The following ASPSCR1 variants were observed in gnomAD, a reference collection of about 807,000 sequenced individuals.
ASPSCR1 encodes the protein tether containing UBX domain for GLUT4.
A neutral mutation model predicts 68.9 loss-of-function variants in ASPSCR1; 55 were observed. The ratio of observed to expected loss-of-function variants is 0.80; its 90% CI spans 0.64 to 1.00. The LOEUF (loss-of-function observed/expected upper bound fraction) is 1.00, where lower values mean the gene tolerates loss of function less well. Among genes scored for constraint, ASPSCR1 ranks in the 50% least tolerant of loss-of-function variants. The pLI is 0.00. For missense variants in ASPSCR1, 765 were observed against 762.2 expected, an observed-to-expected ratio of 1.00 and a Z score of -0.04; for synonymous variants, 352 against 332.6, an observed-to-expected ratio of 1.06 and a Z score of -0.63.
intron 7 of ASPSCR1, among the ~76,000 whole-genome samples, chr17:81,997,384 A>G (rs560899090): frequency 1.3e-5 from 2 of 152,068 alleles, no homozygotes; most frequent in East Asian, 3.9e-4. Flanking sequence ...TGAACGCATC[A>G]GCCAGTCTTC....
intron 12 of ASPSCR1, chr17:82,015,550 C>T (rs2043094586): frequency 1.3e-6 from 1 of 741,460 alleles, no homozygotes; most frequent in African/African-American, 1.8e-5. Context: ...AGGTGCCTCT[C>T]TGCATCGGTG....
intron 11 of ASPSCR1, 181 bp from the exon 12 acceptor site, chr17:82,012,050 G>A (rs756426253): frequency 9.0e-6 from 7 of 778,300 alleles, no homozygotes; most frequent in African/African-American, 3.4e-5. Flanking sequence ...GCCCCCCACC[G>A]GCCCTTCCGA....
rs71166183 is a variant in ASPSCR1, at chr17:82,002,003, CTTTTTTTTTTTTTT to C, written c.933+5166_933+5179del. Among the ~76,000 whole-genome samples, 8 of 93,816 alleles carry C rather than the reference CTTTTTTTTTTTTTT, an allele frequency of 8.5e-5. No individual in the cohort carries two copies. In the East Asian group the frequency reaches 2.0e-3, roughly 23 times the overall value. The allele number at this position is 93,816 out of a possible 152,430, so 61.5% of individuals were successfully genotyped here. On this transcript the variant is annotated intron_variant, in intron 7 of 15. Coordinates refer to ENST00000306739, the MANE Select transcript of ASPSCR1 (RefSeq NM_024083.4). Reference sequence around the variant, plus strand: ...TTCTTTTCTTTTTTTTTTCTTTTTCCTTTTTTTTTTTTTTTTTTTTTTGAGACACAGTCTCGCTC... The same window carrying C: ...TTCTTTTCTTTTTTTTTTCTTTTTCCTTTTTTTTGAGACACAGTCTCGCTC...
At chr17:81,997,332 G>T (rs1264333980) in intron 7 of ASPSCR1, among the ~76,000 whole-genome samples, 2 of 152,136 alleles carry the variant, frequency 1.3e-5, no homozygotes, top group African/African-American at 4.8e-5. Flanking sequence ...TCTAGAAAAG[G>T]GGTGGTAACT....
intron 5 of ASPSCR1, 37 bp downstream of exon 5, chr17:81,994,915 A>T (rs967155436): frequency 2.5e-6 from 4 of 1,575,776 alleles, no homozygotes; most frequent in Non-Finnish European, 3.5e-6. Context: ...GTCCCCGCTC[A>T]CTTTCAGCCC....
chr17:82,011,238 C>T (rs936759005), intron 10 of ASPSCR1, among the ~76,000 whole-genome samples: 3 of 143,972 alleles, frequency 2.1e-5, no homozygotes, highest in East Asian at 2.2e-4. Context: ...GACGGCCGGG[C>T]GGCAGCAGCC....
In ASPSCR1 at chr17:82,016,533, T is replaced by C. The variant is rs1285222720; in HGVS notation, c.1405+6T>C. The stretch of plus-strand genomic sequence containing the variant: ...GGGAGCCGAGGAGCCGGCAGGTGAG[T>C]GTCAGTGGTTGGGGCCAGTGTCGGA... On this transcript the variant is annotated splice_donor_region_variant and intron_variant, in intron 13 of 15. Transcript: ENST00000306739. 6.5e-7 allele frequency: 1 copy of C among 1,548,750 alleles called. No homozygotes were observed. Among genetic ancestry groups the C allele is most frequent in the Non-Finnish European group, 8.7e-7 (1 of 1,146,892 alleles).
chr17:81,984,873 C>T (rs143435714), intron 3 of ASPSCR1, among the ~76,000 whole-genome samples: 2,074 of 116,618 alleles, frequency 0.018, 12 homozygotes, highest in East Asian at 0.031. Context: ...TGCACACCCC[C>T]GCACACACAC....
intron 4 of ASPSCR1, among the ~76,000 whole-genome samples, chr17:81,993,252 C>T (rs371491882): frequency 7.7e-4 from 117 of 152,120 alleles, no homozygotes; most frequent in African/African-American, 2.7e-3. Context: ...CTCGCTCTGT[C>T]GCCCAGGCTG....
At chr17:81,997,055 G>A (rs746218180) in intron 7 of ASPSCR1, among the ~76,000 whole-genome samples, 1 of 110,388 alleles carries the variant, frequency 9.1e-6, no homozygotes, top group African/African-American at 4.7e-5. Flanking sequence ...GGTAGAGAAA[G>A]TAGCTTTACT....
At chr17:81,984,820 C>T (rs1347553156) in intron 3 of ASPSCR1, among the ~76,000 whole-genome samples, 58 of 145,094 alleles carry the variant, frequency 4.0e-4, no homozygotes, top group African/African-American at 1.3e-3. Flanking sequence ...CCCGCACACC[C>T]GTACACACCC....
chr17:81,999,760 T>C lies in ASPSCR1; in HGVS notation c.933+2914T>C, dbSNP rs2042467789. 6.6e-6 allele frequency among the ~76,000 whole-genome samples: 1 copy of C among 152,080 alleles called. No individual in the cohort carries two copies. Among genetic ancestry groups the C allele is most frequent in the African/African-American group, 2.4e-5 (1 of 41,404 alleles). On this transcript the variant is annotated intron_variant, in intron 7 of 15. Coordinates refer to ENST00000306739, the MANE Select transcript of ASPSCR1 (RefSeq NM_024083.4). This position sits in a 1 kb window ranked among gnomAD's most constrained non-coding sequence, Gnocchi z 4.4. ...GTGAGGTCAGGAGTTTGCTTCCTCCTCCTCTGGCCACTTCTGAGTGAAGCA... is the reference window on the plus strand; with the variant it reads ...GTGAGGTCAGGAGTTTGCTTCCTCCCCCTCTGGCCACTTCTGAGTGAAGCA...
intron 2 of ASPSCR1, among the ~76,000 whole-genome samples, chr17:81,980,830 TG>T (rs1355472083): frequency 6.6e-6 from 1 of 152,150 alleles, no homozygotes; most frequent in Non-Finnish European, 1.5e-5. Context: ...AAAATGGCAG[TG>T]CCAGCATGAC....
intron 7 of ASPSCR1, among the ~76,000 whole-genome samples, chr17:81,998,173 G>C (rs1224571678): frequency 6.6e-6 from 1 of 152,120 alleles, no homozygotes; most frequent in Non-Finnish European, 1.5e-5. Context: ...GTCTCTCTCT[G>C]TTGCCCAGGC....
chr17:81,987,413 A>T lies in ASPSCR1; in HGVS notation c.374+1806A>T, dbSNP rs1391154049. The stretch of plus-strand genomic sequence containing the variant: ...GCGCGGGGAACAGAAGTCAGGAAAG[A>T]TGAACGTCTGGAAGGAAATGCCCCT... On this transcript the variant is annotated intron_variant, in intron 4 of 15. Transcript: ENST00000306739. This position sits in a 1 kb window ranked among gnomAD's most constrained non-coding sequence, Gnocchi z 5.6. 1.3e-5 allele frequency among the ~76,000 whole-genome samples: 2 copies of T among 152,200 alleles called. No homozygotes were observed. Among genetic ancestry groups the T allele is most frequent in the East Asian group, 3.9e-4 (2 of 5,188 alleles).
At chr17:82,015,389 A>G (rs1273737233) in intron 12 of ASPSCR1, 5 of 1,573,474 alleles carry the variant, frequency 3.2e-6, no homozygotes, top group Middle Eastern at 1.7e-4. Context: ...CCCTGCACAG[A>G]GGCGCAGACA....
At position 81,983,784 on chromosome 17, in the gene ASPSCR1, C is replaced by G; in HGVS notation, c.273+116C>G. 1 of 840,086 alleles carries G rather than the reference C, an allele frequency of 1.2e-6. No individual in the cohort carries two copies. Among genetic ancestry groups the G allele is most frequent in the Non-Finnish European group, 1.9e-6 (1 of 528,056 alleles). The allele number at this position is 840,086 out of a possible 1,614,324, so 52.0% of individuals were successfully genotyped here. On this transcript the variant is annotated intron_variant, in intron 3 of 15. Transcript: ENST00000306739. This position sits in a 1 kb window ranked among gnomAD's most constrained non-coding sequence, Gnocchi z 4.4. The stretch of plus-strand genomic sequence containing the variant: ...GGAAGGAGGGACATGAGTCTTAGCA[C>G]CAGTTCTGCCTTCCCTGGGTTGGGC...
chr17:82,010,521 T>TC (rs1187768676), intron 9 of ASPSCR1, among the ~76,000 whole-genome samples: 1 of 118,574 alleles, frequency 8.4e-6, no homozygotes, highest in Admixed American at 1.0e-4. Flanking sequence ...AGAGTGAGAC[T>TC]CCATCTCAAA....
chr17:82,010,075 C>T, intron 9 of ASPSCR1: 2 of 314,062 alleles, frequency 6.4e-6, no homozygotes, highest in South Asian at 2.1e-5. Flanking sequence ...ACTAGCTCGG[C>T]TAATTTTTGT....
Sources: gnomAD v4.1 joint callset for allele counts (sites outside exome capture counted in the v4.1 genomes callset) on GRCh38, gnomAD v4.1.1 for gene constraint, Gnocchi (gnomAD v3.1) non-coding constraint, MANE v1.5 for transcripts, NCBI Gene and HGNC (gene_info 2026-07-23, HGNC 2026-07-21) for gene names.